The following TMPO variants were observed in gnomAD, a reference collection of about 807,000 sequenced individuals.
TMPO encodes the protein LEM domain containing 4.
A neutral mutation model predicts 45.4 loss-of-function variants in TMPO; 22 were observed. That is an observed-to-expected ratio of 0.48 (90% CI 0.35 to 0.69). The LOEUF is 0.69. Among genes scored for constraint, TMPO ranks in the 30% least tolerant of loss-of-function variants. The probability of loss-of-function intolerance (pLI) is 0.01; values close to 1 mark genes in which losing one functional copy is unlikely to be tolerated. For missense variants in TMPO, 512 were observed against 548.8 expected (o/e 0.93, Z 0.67); for synonymous variants, 241 against 204.1 (o/e 1.18, Z -1.54).
intron 1 of TMPO, chr12:98,527,680 C>T: frequency 1.8e-6 from 1 of 562,564 alleles, no homozygotes; most frequent in Non-Finnish European, 3.1e-6. Context: ...AAGTTACTTG[C>T]TTGGCTGTGC....
chr12:98,540,522 G>T lies in TMPO; in HGVS notation c.663+2950G>T, dbSNP rs1156836661. Among the ~76,000 whole-genome samples the T allele has an allele frequency of 5.3e-5, 8 of 152,194 alleles. No individual in the cohort carries two copies. In the East Asian group the frequency reaches 1.4e-3, roughly 26 times the overall value. ...GCCTCCTGAGTAGCTGGGATTACAG[G>T]CATGTGCCACCACGCCCGGCTAATT... On this transcript the variant is annotated intron_variant, in intron 4 of 8. Transcript: ENST00000556029.
rs1479421410 is a variant in TMPO, at chr12:98,550,239, A to G, written c.*2381A>G. The G allele has an allele frequency of 6.6e-6, 1 of 152,220 alleles. No individual in the cohort carries two copies. The highest frequency in any genetic ancestry group is 1.5e-5 in the Non-Finnish European group (1 of 68,038). 9.4% of individuals were successfully genotyped at this position (152,220 alleles called of 1,614,324 possible). Reference sequence around the variant, plus strand: ...AAATGTGTCCTTGATGTAAATGCAAAGCATTTCTTCCTGATTAAATTGTAG... The same window carrying G: ...AAATGTGTCCTTGATGTAAATGCAAGGCATTTCTTCCTGATTAAATTGTAG... On this transcript the variant is annotated 3_prime_UTR_variant, in exon 9 of 9. Transcript: ENST00000556029.
intron 1 of TMPO, among the ~76,000 whole-genome samples, chr12:98,520,888 TAAAG>T (rs1290264657): frequency 6.6e-6 from 1 of 151,956 alleles, no homozygotes; most frequent in Admixed American, 6.6e-5. Flanking sequence ...TCATATTTCT[TAAAG>T]AATATTTATA....
At chr12:98,540,714 A>G (rs1877866187) in intron 4 of TMPO, among the ~76,000 whole-genome samples, 2 of 152,332 alleles carry the variant, frequency 1.3e-5, no homozygotes, top group South Asian at 4.1e-4. Flanking sequence ...ATTAAATTTC[A>G]ATGACCATAT....
intron 1 of TMPO, among the ~76,000 whole-genome samples, chr12:98,521,649 T>C (rs1306434523): frequency 6.6e-6 from 1 of 152,234 alleles, no homozygotes. Context: ...AGTCTGCCTT[T>C]TTGTTTTAAG....
chr12:98,536,693 C>G, intron 3 of TMPO, among the ~76,000 whole-genome samples: 1 of 152,124 alleles, frequency 6.6e-6, no homozygotes, highest in East Asian at 1.9e-4. Flanking sequence ...CCTAGATCTT[C>G]AAATGATGAT....
chr12:98,515,926 T>C lies in TMPO; in HGVS notation c.59T>C (p.Leu20Ser). The change falls in exon 1 of 9, where the codon TTG becomes TCG. Residue 20 changes from leucine (L) to serine (S), a missense_variant. By Grantham distance (145) the Leu-to-Ser change is moderately radical. Around this residue, in one of 3 missense-constraint regions of TMPO, gnomAD observed 299 missense variants for 296.7 expected, o/e 1.01. Coordinates refer to ENST00000556029, the MANE Select transcript of TMPO (RefSeq NM_001032283.3). ...VLTKDKLKSELVANNVTLPAG... is the reference protein window; with the variant it reads ...VLTKDKLKSESVANNVTLPAG... ...ACAAAAGACAAGTTGAAGAGTGAGTTGGTCGCCAACAATGTGACGCTGCCG... is the reference window on the plus strand; with the variant it reads ...ACAAAAGACAAGTTGAAGAGTGAGTCGGTCGCCAACAATGTGACGCTGCCG... 1 of 1,613,664 alleles carries C rather than the reference T, an allele frequency of 6.2e-7. No individual in the cohort carries two copies. The highest frequency in any genetic ancestry group is 8.5e-7 in the Non-Finnish European group (1 of 1,179,850).
chr12:98,520,080 C>G (rs1331402105), intron 1 of TMPO, among the ~76,000 whole-genome samples: 1 of 151,796 alleles, frequency 6.6e-6, no homozygotes, highest in African/African-American at 2.4e-5. Context: ...CTGCCTCAGC[C>G]TCCCAAGTAG....
chr12:98,529,134 A>G (rs561447662), intron 2 of TMPO, among the ~76,000 whole-genome samples: 27 of 149,210 alleles, frequency 1.8e-4, no homozygotes, highest in Admixed American at 8.0e-4. Flanking sequence ...GCTCACTGCA[A>G]CCTCTGCCTC....
At chr12:98,530,020 A>T (rs1173801523) in intron 2 of TMPO, among the ~76,000 whole-genome samples, 2 of 152,176 alleles carry the variant, frequency 1.3e-5, no homozygotes, top group South Asian at 4.1e-4. Flanking sequence ...GATATATAAC[A>T]CTTTTAAAAA....
chr12:98,531,026 T>TC (rs1408784488), intron 2 of TMPO, among the ~76,000 whole-genome samples: 1 of 152,172 alleles, frequency 6.6e-6, no homozygotes, highest in African/African-American at 2.4e-5. Flanking sequence ...CACCGCAACC[T>TC]CCATCTCCTG....
chr12:98,522,526 C>T (rs1221213428), intron 1 of TMPO, among the ~76,000 whole-genome samples: 1 of 152,170 alleles, frequency 6.6e-6, no homozygotes, highest in African/African-American at 2.4e-5. Flanking sequence ...ATCTAAGATC[C>T]TCTATTTTCA....
intron 7 of TMPO, 30 bp from the exon 8 acceptor site, chr12:98,546,329 G>T: frequency 1.4e-6 from 2 of 1,440,306 alleles, no homozygotes; most frequent in Non-Finnish European, 2.0e-6. Flanking sequence ...ATTTTAACTT[G>T]TGGTTGTTTG....
Position 98,516,162 on chromosome 12 carries a change from C to T in TMPO, c.279+16C>T, listed in dbSNP as rs1010758415. ...CGTCGGCAGGGTAAGGACGCGGGGC[C>T]GGGGCTACAAAGGCGGGCGTTTGGC... On this transcript the variant is annotated intron_variant, in intron 1 of 8. Transcript: ENST00000556029. 1.5e-6 allele frequency: 2 copies of T among 1,375,482 alleles called. No individual in the cohort carries two copies. The highest frequency in any genetic ancestry group is 1.5e-5 in the African/African-American group (1 of 65,290). The allele number at this position is 1,375,482 out of a possible 1,614,324, so 85.2% of individuals were successfully genotyped here. A position where few individuals can be genotyped will look rare whatever the true frequency, so the allele number is the denominator to read the frequency against.
In TMPO at chr12:98,515,668, G is replaced by T. The variant is rs1465182309; in HGVS notation, c.-200G>T. On this transcript the variant is annotated 5_prime_UTR_variant, in exon 1 of 9. Transcript: ENST00000556029. The stretch of plus-strand genomic sequence containing the variant: ...CTTCCAGCTTGGCCGCAGTTGGTTC[G>T]TAGTTCGGCTCTGGGGTCTTTTGTG... 5 of 1,147,412 alleles carry T rather than the reference G, an allele frequency of 4.4e-6. No individual in the cohort carries two copies. The highest frequency in any genetic ancestry group is 2.7e-5 in the Admixed American group (1 of 37,100). 71.1% of individuals were successfully genotyped at this position (1,147,412 alleles called of 1,614,324 possible).
At chr12:98,525,340 G>A (rs150126443) in intron 1 of TMPO, among the ~76,000 whole-genome samples, 2 of 152,226 alleles carry the variant, frequency 1.3e-5, no homozygotes, top group Admixed American at 6.5e-5. Context: ...TGACATAATT[G>A]TTCTTATGAG....
At position 98,533,646 on chromosome 12, in the gene TMPO, T is replaced by C; in HGVS notation, c.565+1808T>C. On this transcript the variant is annotated intron_variant, in intron 3 of 8. Coordinates refer to ENST00000556029, the MANE Select transcript of TMPO (RefSeq NM_001032283.3). ...AACTGATGTCTTCTTTTGCCAAAAC[T>C]GTTGTCTCTCATTCACTCACTACCT... 3.7e-6 allele frequency: 6 copies of C among 1,614,192 alleles called. No individual in the cohort carries two copies. The highest frequency in any genetic ancestry group is 5.1e-6 in the Non-Finnish European group (6 of 1,180,038).
Position 98,525,570 on chromosome 12 carries a change from G to A in TMPO, c.280-2316G>A, listed in dbSNP as rs1489702119. Among the ~76,000 whole-genome samples the A allele has an allele frequency of 5.9e-5, 9 of 152,020 alleles. No individual in the cohort carries two copies. The South Asian group carries it at 6.2e-4, about 11-fold the overall frequency. ...AGCCTGGCCAACATGCTGAAACCCCGTCTCTACTAAAAATACAAAAATTAG... is the reference window on the plus strand; with the variant it reads ...AGCCTGGCCAACATGCTGAAACCCCATCTCTACTAAAAATACAAAAATTAG... On this transcript the variant is annotated intron_variant, in intron 1 of 8. Transcript: ENST00000556029.
At chr12:98,535,717 CT>C in intron 3 of TMPO, 1 of 933,576 alleles carries the variant, frequency 1.1e-6, no homozygotes, top group Non-Finnish European at 1.3e-6. Context: ...ATGAACACCC[CT>C]TTTCCATTTC....
Sources: gnomAD v4.1 joint callset for allele counts (sites outside exome capture counted in the v4.1 genomes callset) on GRCh38, gnomAD v4.1.1 for gene constraint, gnomAD v4.1.1 regional missense constraint, MANE v1.5 for transcripts, NCBI Gene and HGNC (gene_info 2026-07-23, HGNC 2026-07-21) for gene names.